The following PNOC variants were observed in gnomAD, a reference collection of about 807,000 sequenced individuals.
PNOC encodes nociceptin.
In PNOC, 10 loss-of-function variants were observed where a neutral mutation model predicts 15.6. That is an observed-to-expected ratio of 0.64 (90% CI 0.40 to 1.09). The LOEUF (loss-of-function observed/expected upper bound fraction) is 1.09, where lower values mean the gene tolerates loss of function less well. Ranked by LOEUF, PNOC falls within the 50% of genes least tolerant of loss-of-function variation. PNOC has a pLI of 0.01. For synonymous variants in PNOC, 98 were observed against 88.5 expected, an observed-to-expected ratio of 1.11 and a Z score of -0.60; for missense variants, 220 against 223.9, an observed-to-expected ratio of 0.98 and a Z score of 0.11.
At chr8:28,325,545 A>G (rs1801210660) in intron 1 of PNOC, among the ~76,000 whole-genome samples, 1 of 151,382 alleles carries the variant, frequency 6.6e-6, no homozygotes, top group Non-Finnish European at 1.5e-5. Flanking sequence ...CTTGCTACTC[A>G]GGAGGCTGAG....
At chr8:28,330,396 A>ATTTTTTTTTTTTTTT (rs67554549) in intron 2 of PNOC, among the ~76,000 whole-genome samples, 2 of 80,416 alleles carry the variant, frequency 2.5e-5, no homozygotes, top group African/African-American at 3.9e-5. Context: ...ATTTTATTTT[A>ATTTTTTTTTTTTTTT]TTTTTTTTTT....
chr8:28,332,052 A>G (rs1371608386), intron 2 of PNOC, among the ~76,000 whole-genome samples: 1 of 152,202 alleles, frequency 6.6e-6, no homozygotes, highest in African/African-American at 2.4e-5. Context: ...AGCATCTTAA[A>G]TATCTGGGGT....
At chr8:28,336,518 T>C (rs1801415169) in intron 2 of PNOC, among the ~76,000 whole-genome samples, 1 of 152,042 alleles carries the variant, frequency 6.6e-6, no homozygotes, top group South Asian at 2.1e-4. Context: ...CTTTGCGGTG[T>C]TTAAGGCACT....
intron 1 of PNOC, among the ~76,000 whole-genome samples, chr8:28,322,666 C>A (rs1213547852): frequency 6.6e-6 from 1 of 152,148 alleles, no homozygotes; most frequent in East Asian, 1.9e-4. Context: ...AAAGTCATAG[C>A]AATATGATTG....
Position 28,322,318 on chromosome 8 carries a change from G to A in PNOC, c.-24+5002G>A, listed in dbSNP as rs557653463. ...GAGGCGGGAGAATCATTTGAACCCA[G>A]GAGGCAGAGTTTGCAGTAAGCCAAG... On this transcript the variant is annotated intron_variant, in intron 1 of 3. Transcript: ENST00000301908. 4.6e-5 allele frequency among the ~76,000 whole-genome samples: 7 copies of A among 152,316 alleles called. No homozygotes were observed. The East Asian group carries it at 1.3e-3, about 29-fold the overall frequency.
At chr8:28,340,457 C>T (rs1334949499) in intron 3 of PNOC, among the ~76,000 whole-genome samples, 1 of 152,152 alleles carries the variant, frequency 6.6e-6, no homozygotes, top group African/African-American at 2.4e-5. Context: ...GTGGCATTGG[C>T]AACCTAGCAC....
chr8:28,329,173 TG>T lies in PNOC; in HGVS notation c.17del (p.Cys6LeufsTer148). MKVLL[C>X]DLLLLSLFSS... ...CTCCTGCACCATGAAAGTCCTGCTT[TG>T]TGACCTGCTGCTGCTCAGTCTCTTC... On this transcript the variant is annotated frameshift_variant, in exon 2 of 4. Transcript: ENST00000301908. LOFTEE classifies it high-confidence loss of function. 2 of 1,613,934 alleles carry T rather than the reference TG, an allele frequency of 1.2e-6. No homozygotes were observed. The highest frequency in any genetic ancestry group is 1.7e-6 in the Non-Finnish European group (2 of 1,180,024).
chr8:28,338,298 T>C (rs1458658695), intron 2 of PNOC, among the ~76,000 whole-genome samples: 1 of 152,090 alleles, frequency 6.6e-6, no homozygotes, highest in Non-Finnish European at 1.5e-5. Context: ...AACATCGTGG[T>C]CCAGCTGGTG....
In PNOC at chr8:28,339,182, C is replaced by T. The variant is rs764588634; in HGVS notation, c.269C>T (p.Ser90Leu). 36 of 1,613,478 alleles carry T rather than the reference C, an allele frequency of 2.2e-5. No individual in the cohort carries two copies. In the East Asian group the frequency reaches 2.9e-4, roughly 13 times the overall value. ...VAAALYQPRA[S>L]EMQHLRRMPR... ...GCTGCTCTCTACCAGCCGAGAGCTT[C>T]GGAGATGCAGCATCTGCGGCGAATG... The change falls in exon 3 of 4, where the codon TCG becomes TTG. Residue 90 changes from serine to leucine, a missense_variant. Coordinates refer to ENST00000301908, the MANE Select transcript of PNOC (RefSeq NM_006228.5).
At chr8:28,320,358 G>A (rs1801129804) in intron 1 of PNOC, among the ~76,000 whole-genome samples, 1 of 151,784 alleles carries the variant, frequency 6.6e-6, no homozygotes, top group Non-Finnish European at 1.5e-5. Context: ...TTCCTGATAG[G>A]AGCCACACAG....
At chr8:28,334,543 G>A (rs148309990) in intron 2 of PNOC, among the ~76,000 whole-genome samples, 5 of 152,208 alleles carry the variant, frequency 3.3e-5, no homozygotes, top group African/African-American at 9.6e-5. Flanking sequence ...CACCAAGGCT[G>A]GAGTGCAGTA....
At chr8:28,333,657 A>G (rs980717182) in intron 2 of PNOC, among the ~76,000 whole-genome samples, 1 of 152,158 alleles carries the variant, frequency 6.6e-6, no homozygotes, top group East Asian at 1.9e-4. Context: ...TTGATCACAC[A>G]ATTTCATTTT....
chr8:28,334,616 T>C (rs913086613), intron 2 of PNOC, among the ~76,000 whole-genome samples: 1 of 152,070 alleles, frequency 6.6e-6, no homozygotes, highest in Admixed American at 6.6e-5. Context: ...CACCTCAGCC[T>C]CCCAAGTAGC....
Position 28,320,092 on chromosome 8 carries a change from C to CTTT in PNOC, c.-24+2803_-24+2805dup, listed in dbSNP as rs34876964. Among the ~76,000 whole-genome samples, 131 of 29,708 alleles carry CTTT rather than the reference C, an allele frequency of 4.4e-3. 28 individuals carry two copies. Among genetic ancestry groups the CTTT allele is most frequent in the Middle Eastern group, 0.083 (2 of 24 alleles). The allele number at this position is 29,708 out of a possible 152,430, so 19.5% of individuals were successfully genotyped here. ...TGTTTGTTTCTTTCTTTCTTTCTTTCTTTTTTTTTTTTTTTTTTTTTTTTT... is the reference window on the plus strand; with the variant it reads ...TGTTTGTTTCTTTCTTTCTTTCTTTCTTTTTTTTTTTTTTTTTTTTTTTTTTTT... On this transcript the variant is annotated intron_variant, in intron 1 of 3. Coordinates refer to ENST00000301908, the MANE Select transcript of PNOC (RefSeq NM_006228.5).
chr8:28,340,097 C>T (rs1339497790), intron 3 of PNOC: 1 of 152,206 alleles, frequency 6.6e-6, no homozygotes, highest in Non-Finnish European at 1.5e-5. Flanking sequence ...TCCATCCTGC[C>T]ACCTTGCCAG....
At chr8:28,323,471 A>G (rs1466094299) in intron 1 of PNOC, among the ~76,000 whole-genome samples, 1 of 152,262 alleles carries the variant, frequency 6.6e-6, no homozygotes, top group Non-Finnish European at 1.5e-5. Flanking sequence ...ACAGTTGAGA[A>G]GACTGAGGCT....
intron 3 of PNOC, 85 bp downstream of exon 3, chr8:28,339,576 T>C (rs1801479667): frequency 2.7e-6 from 3 of 1,094,308 alleles, no homozygotes; most frequent in Non-Finnish European, 3.6e-6. Context: ...TAGAAGCACA[T>C]TCATCTCCCC....
At position 28,333,362 on chromosome 8, in the gene PNOC, C is replaced by T. The variant is rs779336383; in HGVS notation, c.126+4079C>T. ...CCATCTGAGACTCCAGATGCCCATA[C>T]GCATTCTGGCTTAATATAGCAATGC... On this transcript the variant is annotated intron_variant, in intron 2 of 3. Transcript: ENST00000301908. Among the ~76,000 whole-genome samples, 7 of 152,212 alleles carry T rather than the reference C, an allele frequency of 4.6e-5. 1 individual carries two copies. Among genetic ancestry groups the T allele is most frequent in the Non-Finnish European group, 5.9e-5 (4 of 68,042 alleles).
chr8:28,318,672 T>C (rs1024381471), intron 1 of PNOC, among the ~76,000 whole-genome samples: 1 of 152,132 alleles, frequency 6.6e-6, no homozygotes, highest in Non-Finnish European at 1.5e-5. Context: ...GCTTGCTGAG[T>C]CTTCTGCAGA....
Sources: allele counts gnomAD v4.1 joint callset (sites outside exome capture counted in the v4.1 genomes callset), GRCh38; gene constraint gnomAD v4.1.1; transcripts MANE v1.5; gene names NCBI Gene and HGNC (gene_info 2026-07-23, HGNC 2026-07-21).